DEUP1: variants seen among roughly 807,000 people sequenced by gnomAD.
DEUP1 encodes the protein deuterosome assembly protein 1, also known as coiled-coil domain containing 67.
In DEUP1, 82 loss-of-function variants were observed where a neutral mutation model predicts 87.4. The ratio of observed to expected loss-of-function variants is 0.94; its 90% CI spans 0.78 to 1.13. The LOEUF is 1.13. DEUP1 is among the 50% of genes most tolerant of loss of function. The pLI, the probability that DEUP1 is intolerant of heterozygous loss-of-function variation, is 0.00. For missense variants in DEUP1, 663 were observed against 681.5 expected, an observed-to-expected ratio of 0.97 and a Z score of 0.30; for synonymous variants, 214 against 222.7, an observed-to-expected ratio of 0.96 and a Z score of 0.35.
At chr11:93,404,290 C>T (rs1192620834) in intron 11 of DEUP1, among the ~76,000 whole-genome samples, 1 of 151,938 alleles carries the variant, frequency 6.6e-6, no homozygotes, top group Non-Finnish European at 1.5e-5. Context: ...TCAAGCTTAT[C>T]GTCGTAGGCT....
intron 2 of DEUP1, among the ~76,000 whole-genome samples, chr11:93,349,552 G>T (rs569585716): frequency 6.7e-6 from 1 of 149,366 alleles, no homozygotes; most frequent in Non-Finnish European, 1.5e-5. Flanking sequence ...TTATCTTAAA[G>T]TTCCAAATGG....
chr11:93,413,388 C>A (rs1947504967), intron 12 of DEUP1, among the ~76,000 whole-genome samples: 1 of 152,074 alleles, frequency 6.6e-6, no homozygotes, highest in Non-Finnish European at 1.5e-5. Flanking sequence ...ACTACAGGCG[C>A]CCGCCATCAC....
intron 2 of DEUP1, among the ~76,000 whole-genome samples, chr11:93,345,787 T>G (rs1047667382): frequency 6.6e-6 from 1 of 152,228 alleles, no homozygotes; most frequent in Non-Finnish European, 1.5e-5. Flanking sequence ...TGCAAATATT[T>G]TCTCCCCTTC....
intron 4 of DEUP1, among the ~76,000 whole-genome samples, chr11:93,361,190 C>T (rs1945160212): frequency 6.6e-6 from 1 of 152,050 alleles, no homozygotes; most frequent in Non-Finnish European, 1.5e-5. Context: ...AAATACCCCT[C>T]AGGAATGAAG....
At position 93,340,775 on chromosome 11, in the gene DEUP1, AC is replaced by A. The variant is rs573412616; in HGVS notation, c.29+8488del. Among the ~76,000 whole-genome samples, 422 of 152,320 alleles carry A rather than the reference AC, an allele frequency of 2.8e-3. 1 individual carries two copies. Among genetic ancestry groups the A allele is most frequent in the Non-Finnish European group, 3.1e-3 (213 of 68,030 alleles). On this transcript the variant is annotated intron_variant, in intron 2 of 13. Coordinates refer to ENST00000298050, the MANE Select transcript of DEUP1 (RefSeq NM_181645.4). The stretch of plus-strand genomic sequence containing the variant: ...ATGATGAACAAAGGATGGTCCAAAG[AC>A]TTTTGGCCTAACAGCTGGAAGGGAC...
At chr11:93,349,327 A>G (rs1036090838) in intron 2 of DEUP1, among the ~76,000 whole-genome samples, 2 of 152,216 alleles carry the variant, frequency 1.3e-5, no homozygotes, top group East Asian at 1.9e-4. Flanking sequence ...CAAGCACAAG[A>G]TAGTGAAAGG....
At chr11:93,355,188 G>A (rs1227434891) in intron 2 of DEUP1, among the ~76,000 whole-genome samples, 183 bp from the exon 3 acceptor site, 2 of 152,260 alleles carry the variant, frequency 1.3e-5, no homozygotes, top group Middle Eastern at 6.8e-3. Context: ...TATATACACT[G>A]TTAGTTCTGA....
At chr11:93,353,807 A>C (rs1036867086) in intron 2 of DEUP1, among the ~76,000 whole-genome samples, 4 of 152,188 alleles carry the variant, frequency 2.6e-5, no homozygotes, top group African/African-American at 9.6e-5. Context: ...CCAAGTCCCT[A>C]GGCTGCACAC....
intron 4 of DEUP1, among the ~76,000 whole-genome samples, chr11:93,358,578 T>TTTTA (rs1555043436): frequency 2.0e-4 from 31 of 152,010 alleles, no homozygotes; most frequent in East Asian, 3.8e-4. Flanking sequence ...GAGCTCTTCT[T>TTTTA]TTTATTTATT....
At chr11:93,415,640 T>A (rs1030210874) in intron 13 of DEUP1, among the ~76,000 whole-genome samples, 10 of 151,916 alleles carry the variant, frequency 6.6e-5, no homozygotes, top group African/African-American at 2.4e-4. Context: ...TCTCTACTTC[T>A]GCTTGCTCCC....
chr11:93,376,281 T>C (rs1480577914), intron 7 of DEUP1, among the ~76,000 whole-genome samples: 1 of 152,190 alleles, frequency 6.6e-6, no homozygotes, highest in Non-Finnish European at 1.5e-5. Flanking sequence ...GCTCTCGTTC[T>C]TTTCAGAGTT....
intron 2 of DEUP1, among the ~76,000 whole-genome samples, chr11:93,345,468 C>T (rs937879554): frequency 6.6e-6 from 1 of 152,188 alleles, no homozygotes; most frequent in Non-Finnish European, 1.5e-5. Flanking sequence ...AATTTCCACT[C>T]CCACAAACAG....
intron 7 of DEUP1, among the ~76,000 whole-genome samples, chr11:93,373,601 A>G (rs1188079812): frequency 1.8e-5 from 2 of 110,186 alleles, no homozygotes; most frequent in Middle Eastern, 4.3e-3. Context: ...ATACGTATAT[A>G]TATTTATATA....
intron 7 of DEUP1, among the ~76,000 whole-genome samples, chr11:93,378,725 G>A (rs1243126460): frequency 6.6e-6 from 1 of 152,030 alleles, no homozygotes; most frequent in East Asian, 1.9e-4. Context: ...GAAGATCTGG[G>A]GCTCAAGGGC....
chr11:93,332,374 T>C, intron 2 of DEUP1, 86 bp downstream of exon 2: 1 of 1,076,076 alleles, frequency 9.3e-7, no homozygotes, highest in Non-Finnish European at 1.4e-6. Flanking sequence ...TGAAATTTAC[T>C]ATTAATAGAA....
intron 9 of DEUP1, among the ~76,000 whole-genome samples, chr11:93,393,072 CTTCTCTTCCTCCTTCTT>C (rs1360170926): frequency 7.8e-6 from 1 of 128,292 alleles, no homozygotes; most frequent in African/African-American, 3.8e-5. Flanking sequence ...CCTCCTTCTT[CTTCTCTTCCTCCTTCTT>C]TTTTTTTTTT....
chr11:93,332,189 G>GAATATA, intron 1 of DEUP1, 27 bp from the exon 2 acceptor site: 1 of 1,408,910 alleles, frequency 7.1e-7, no homozygotes, highest in Non-Finnish European at 9.8e-7. Context: ...AACATTTTAG[G>GAATATA]AACTTGTATC....
intron 13 of DEUP1, among the ~76,000 whole-genome samples, chr11:93,431,095 CAAA>C (rs10534401): frequency 4.0e-3 from 445 of 112,522 alleles, no homozygotes; most frequent in South Asian, 0.012. Context: ...AACACTGTCT[CAAA>C]AAAAAAAAAA....
intron 7 of DEUP1, 37 bp downstream of exon 7, chr11:93,371,317 G>T: frequency 6.3e-7 from 1 of 1,584,424 alleles, no homozygotes; most frequent in Non-Finnish European, 8.6e-7. Flanking sequence ...TATTGTCCAT[G>T]ACTTGTATAA....
Sources: allele counts gnomAD v4.1 joint callset (sites outside exome capture counted in the v4.1 genomes callset), GRCh38; gene constraint gnomAD v4.1.1; transcripts MANE v1.5; gene names NCBI Gene and HGNC (gene_info 2026-07-23, HGNC 2026-07-21).